NAALADL2: variants seen among roughly 807,000 people sequenced by gnomAD.
The protein encoded by NAALADL2 is inactive N-acetylated-alpha-linked acidic dipeptidase-like protein 2.
Under a neutral mutation model 87.2 loss-of-function variants are expected in NAALADL2, and 76 were observed. That is an observed-to-expected ratio of 0.87 (90% CI 0.72 to 1.05). The LOEUF (loss-of-function observed/expected upper bound fraction) is 1.05, where lower values mean the gene tolerates loss of function less well. Among genes scored for constraint, NAALADL2 ranks in the 50% least tolerant of loss-of-function variants. NAALADL2 has a pLI of 0.00. For synonymous variants in NAALADL2, 354 were observed against 331.0 expected (o/e 1.07, Z -0.75); for missense variants, 1,089 against 945.8 (o/e 1.15, Z -1.99).
chr3:174,668,099 G>T (rs1300345639), intron 2 of NAALADL2, among the ~76,000 whole-genome samples: 2 of 151,922 alleles, frequency 1.3e-5, no homozygotes, highest in African/African-American at 4.8e-5. Context: ...GTTTTGATTT[G>T]CATTTCTGTA....
At chr3:175,661,520 A>G (rs1582811536) in intron 11 of NAALADL2, among the ~76,000 whole-genome samples, 1 of 151,694 alleles carries the variant, frequency 6.6e-6, no homozygotes, top group African/African-American at 2.4e-5. Flanking sequence ...ATGTAATCCC[A>G]TTTGTTTATT....
chr3:174,971,515 A>C (rs1743632840), intron 1 of NAALADL2, among the ~76,000 whole-genome samples: 1 of 152,082 alleles, frequency 6.6e-6, no homozygotes, highest in South Asian at 2.1e-4. Flanking sequence ...GATTTCCTTC[A>C]GTCTCAACTT....
intron 11 of NAALADL2, among the ~76,000 whole-genome samples, chr3:175,639,152 A>G (rs368095786): frequency 2.7e-4 from 41 of 152,022 alleles, no homozygotes; most frequent in African/African-American, 9.4e-4. Flanking sequence ...TGTTTGCCCT[A>G]ATGTTGCTGG....
intron 1 of NAALADL2, among the ~76,000 whole-genome samples, chr3:175,093,671 A>G (rs536846033): frequency 9.2e-5 from 14 of 151,460 alleles, no homozygotes; most frequent in Non-Finnish European, 2.1e-4. Context: ...GTCATTACAT[A>G]CTCATTTCCG....
chr3:174,714,928 G>T (rs541217099), intron 2 of NAALADL2, among the ~76,000 whole-genome samples: 1 of 152,282 alleles, frequency 6.6e-6, no homozygotes, highest in South Asian at 2.1e-4. Flanking sequence ...GATATTGGCT[G>T]TGGGTTTGTC....
intron 10 of NAALADL2, among the ~76,000 whole-genome samples, chr3:175,624,385 C>T (rs1726690317): frequency 1.3e-5 from 2 of 151,984 alleles, no homozygotes; most frequent in Non-Finnish European, 2.9e-5. Context: ...AAATACTAAT[C>T]ACTTATTTTA....
intron 11 of NAALADL2, among the ~76,000 whole-genome samples, chr3:175,671,061 C>T (rs1015710018): frequency 1.3e-5 from 2 of 151,460 alleles, no homozygotes; most frequent in African/African-American, 2.4e-5. Flanking sequence ...AACAGGGACA[C>T]GTTTTAAATG....
chr3:175,553,814 A>C (rs1714827339), intron 9 of NAALADL2, among the ~76,000 whole-genome samples: 1 of 151,744 alleles, frequency 6.6e-6, no homozygotes, highest in African/African-American at 2.4e-5. Context: ...AAACATTATC[A>C]GTATTGATTA....
chr3:174,818,739 TC>T (rs1255362738), intron 3 of NAALADL2, among the ~76,000 whole-genome samples: 4 of 152,058 alleles, frequency 2.6e-5, no homozygotes, highest in African/African-American at 9.7e-5. Flanking sequence ...TAGTGCACAC[TC>T]AAGAGGAGGC....
At chr3:174,915,572 T>G (rs978694659) in intron 1 of NAALADL2, among the ~76,000 whole-genome samples, 1 of 152,152 alleles carries the variant, frequency 6.6e-6, no homozygotes, top group Non-Finnish European at 1.5e-5. Flanking sequence ...TGTTTAAAAA[T>G]GTTATATTCA....
chr3:175,153,183 A>G (rs1234905995), intron 2 of NAALADL2, among the ~76,000 whole-genome samples: 1 of 152,162 alleles, frequency 6.6e-6, no homozygotes, highest in Non-Finnish European at 1.5e-5. Flanking sequence ...GAATTGCTCA[A>G]AACCTTAAAG....
chr3:175,518,013 C>G (rs932460217), intron 9 of NAALADL2, among the ~76,000 whole-genome samples: 1 of 152,112 alleles, frequency 6.6e-6, no homozygotes, highest in African/African-American at 2.4e-5. Flanking sequence ...GTACGCGTGG[C>G]TGGAAAGGAG....
In NAALADL2 at chr3:175,803,253, G is replaced by A. The variant is rs1754409992; in HGVS notation, c.*50G>A. ...TTTGTTTACAATTCCACAAGCAAAAGCTCTAATTTAACCAGATTTTCTGAC... is the reference window on the plus strand; with the variant it reads ...TTTGTTTACAATTCCACAAGCAAAAACTCTAATTTAACCAGATTTTCTGAC... On this transcript the variant is annotated 3_prime_UTR_variant, in exon 14 of 14. Coordinates refer to ENST00000454872, the MANE Select transcript of NAALADL2 (RefSeq NM_207015.3). 1.4e-6 allele frequency: 2 copies of A among 1,405,456 alleles called. No individual in the cohort carries two copies. Among genetic ancestry groups the A allele is most frequent in the African/African-American group, 2.9e-5 (2 of 69,838 alleles). 87.1% of individuals were successfully genotyped at this position (1,405,456 alleles called of 1,614,324 possible).
At chr3:175,247,527 A>G (rs1748209575) in intron 3 of NAALADL2, among the ~76,000 whole-genome samples, 1 of 152,162 alleles carries the variant, frequency 6.6e-6, no homozygotes, top group African/African-American at 2.4e-5. Context: ...TTCTAATAAC[A>G]AGGAACAGCT....
At chr3:175,792,670 G>A (rs1321752737) in intron 13 of NAALADL2, among the ~76,000 whole-genome samples, 1 of 152,082 alleles carries the variant, frequency 6.6e-6, no homozygotes, top group Non-Finnish European at 1.5e-5. Flanking sequence ...AGTATATCTG[G>A]ATATATTTGA....
intron 5 of NAALADL2, among the ~76,000 whole-genome samples, chr3:175,356,024 C>T (rs1317962276): frequency 1.3e-5 from 2 of 152,026 alleles, no homozygotes; most frequent in African/African-American, 4.8e-5. Flanking sequence ...GTGAAAACTC[C>T]ATATCTTGGA....
intron 5 of NAALADL2, among the ~76,000 whole-genome samples, chr3:175,364,677 T>C (rs1413628009): frequency 6.8e-6 from 1 of 147,560 alleles, no homozygotes; most frequent in African/African-American, 2.5e-5. Flanking sequence ...ATTAATGGAG[T>C]TCTAATCTCC....
chr3:175,571,887 T>C (rs1187943479), intron 9 of NAALADL2, among the ~76,000 whole-genome samples: 1 of 152,102 alleles, frequency 6.6e-6, no homozygotes, highest in Non-Finnish European at 1.5e-5. Flanking sequence ...TTGAAGCTAG[T>C]TAGAAACAAA....
At chr3:174,854,802 C>A (rs1050172831), upstream of NAALADL2, among the ~76,000 whole-genome samples, 4 of 144,596 alleles carry the variant, frequency 2.8e-5, no homozygotes, top group African/African-American at 1.0e-4. Context: ...ATATTACGTA[C>A]TTTACATAAT....
Sources: allele counts gnomAD v4.1 joint callset (sites outside exome capture counted in the v4.1 genomes callset), GRCh38; gene constraint gnomAD v4.1.1; transcripts MANE v1.5; gene names NCBI Gene and HGNC (gene_info 2026-07-23, HGNC 2026-07-21).